KLF8: variants seen among roughly 807,000 people sequenced by gnomAD.
The protein encoded by KLF8 is KLF transcription factor 8.
A neutral mutation model predicts 18.2 loss-of-function variants in KLF8; 10 were observed. The observed-to-expected ratio is 0.55, with a 90% CI of 0.34 to 0.93. KLF8 has a LOEUF of 0.93. KLF8 is among the 40% of genes least tolerant of loss of function. The probability of loss-of-function intolerance (pLI) is 0.02; values close to 1 mark genes in which losing one functional copy is unlikely to be tolerated. For missense variants in KLF8, 264 were observed against 277.9 expected (o/e 0.95, Z 0.36); for synonymous variants, 109 against 97.3 (o/e 1.12, Z -0.71).
the KLF8 span, among the ~76,000 whole-genome samples, chrX:56,115,141 C>T: frequency 2.4e-4 from 26 of 110,406 alleles, no homozygotes; most frequent in Non-Finnish European, 2.8e-4. Context: ...TGGCCAGGCA[C>T]GCTGGCATGT....
the KLF8 span, among the ~76,000 whole-genome samples, chrX:56,026,972 G>A: frequency 2.7e-5 from 3 of 112,660 alleles, no homozygotes; most frequent in Non-Finnish European, 5.6e-5. Flanking sequence ...AATAGGTAAC[G>A]CATTGCTGCG....
At chrX:56,021,696 A>G in the KLF8 span, among the ~76,000 whole-genome samples, 2 of 110,573 alleles carry the variant, frequency 1.8e-5, no homozygotes, top group Admixed American at 9.7e-5. Context: ...CAAAGTACAG[A>G]AATATAATTT....
At chrX:56,217,833 T>C in the KLF8 span, among the ~76,000 whole-genome samples, 1 of 111,561 alleles carries the variant, frequency 9.0e-6, no homozygotes, top group Admixed American at 9.6e-5. Flanking sequence ...GGATTGGGAA[T>C]GTGGATAGAT....
the KLF8 span, among the ~76,000 whole-genome samples, chrX:56,219,986 T>A: frequency 8.9e-6 from 1 of 112,349 alleles, no homozygotes; most frequent in Non-Finnish European, 1.9e-5. Context: ...AAAATAGGAA[T>A]CTCAACGTTG....
the KLF8 span, among the ~76,000 whole-genome samples, chrX:56,142,322 C>A: frequency 9.0e-6 from 1 of 111,308 alleles, no homozygotes; most frequent in Non-Finnish European, 1.9e-5. Context: ...TTTAGTCATT[C>A]ATTTTCTTGG....
the KLF8 span, among the ~76,000 whole-genome samples, chrX:56,071,523 T>A: frequency 8.9e-6 from 1 of 112,089 alleles, no homozygotes; most frequent in South Asian, 3.7e-4. Flanking sequence ...AGAAAATTAA[T>A]TTTGTTCATT....
the KLF8 span, among the ~76,000 whole-genome samples, chrX:56,040,906 G>A: frequency 4.6e-5 from 3 of 65,566 alleles, no homozygotes; most frequent in African/African-American, 6.9e-5. Context: ...TTTTTTTTCC[G>A]GTTTGTAGGC....
At chrX:56,266,489 G>A (rs2066974484) in intron 3 of KLF8, 1 of 747,050 alleles carries the variant, frequency 1.3e-6, no homozygotes, top group African/African-American at 2.3e-5. Context: ...GAGTTGTCTT[G>A]CAACAGATAA....
At chrX:56,273,276 G>A (rs1044441348) in intron 5 of KLF8, among the ~76,000 whole-genome samples, 1 of 111,079 alleles carries the variant, frequency 9.0e-6, no homozygotes, top group East Asian at 2.8e-4. Flanking sequence ...CAGAGTAAAG[G>A]GGTATATCTG....
the KLF8 span, among the ~76,000 whole-genome samples, chrX:56,021,166 T>C: frequency 8.9e-6 from 1 of 112,340 alleles, no homozygotes; most frequent in Non-Finnish European, 1.9e-5. Flanking sequence ...ATTAGTACCA[T>C]CTGTTTTTGA....
chrX:56,143,925 T>C, the KLF8 span, among the ~76,000 whole-genome samples: 1 of 111,997 alleles, frequency 8.9e-6, no homozygotes, highest in Non-Finnish European at 1.9e-5. Context: ...AAGTGTCAAG[T>C]TCTATAGTTG....
the KLF8 span, among the ~76,000 whole-genome samples, chrX:56,126,578 A>G: frequency 1.8e-5 from 2 of 110,597 alleles, no homozygotes; most frequent in Non-Finnish European, 3.8e-5. Flanking sequence ...AAGAATCTGC[A>G]TGATTTGGGT....
the KLF8 span, among the ~76,000 whole-genome samples, chrX:56,138,348 G>A: frequency 2.7e-5 from 3 of 110,954 alleles, no homozygotes; most frequent in Non-Finnish European, 5.7e-5. Flanking sequence ...CCAAAACATG[G>A]CACAGACAGA....
chrX:56,139,439 G>T, the KLF8 span, among the ~76,000 whole-genome samples: 20 of 111,433 alleles, frequency 1.8e-4, no homozygotes, highest in African/African-American at 5.8e-4. Context: ...GCATGGTGCT[G>T]GTGCAAAAAA....
chrX:56,052,726 T>A, the KLF8 span, among the ~76,000 whole-genome samples: 1 of 112,076 alleles, frequency 8.9e-6, no homozygotes, highest in Non-Finnish European at 1.9e-5. Context: ...TTTTTGTTTG[T>A]CTGTGCCCTG....
chrX:56,020,335 G>A, the KLF8 span, among the ~76,000 whole-genome samples: 4 of 112,010 alleles, frequency 3.6e-5, no homozygotes, highest in South Asian at 3.7e-4. Flanking sequence ...CTACAGCAGC[G>A]TGGAGCATGC....
At chrX:55,998,028 G>A in the KLF8 span, among the ~76,000 whole-genome samples, 1 of 111,735 alleles carries the variant, frequency 8.9e-6, no homozygotes, top group Non-Finnish European at 1.9e-5. Flanking sequence ...AGACAAACAC[G>A]TGAACAAAGG....
the KLF8 span, among the ~76,000 whole-genome samples, chrX:56,011,178 G>T: frequency 0.086 from 9,625 of 111,912 alleles, 998 homozygotes; most frequent in African/African-American, 0.3. Flanking sequence ...ATTGTTTTTA[G>T]TGCCACATGG....
At chrX:55,937,217 A>G in the KLF8 span, among the ~76,000 whole-genome samples, 6 of 111,367 alleles carry the variant, frequency 5.4e-5, no homozygotes, top group South Asian at 7.6e-4. Flanking sequence ...GTAGTTCACC[A>G]ATATCCGCTG....
Sources: gnomAD v4.1 joint callset for allele counts (sites outside exome capture counted in the v4.1 genomes callset) on GRCh38, gnomAD v4.1.1 for gene constraint, MANE v1.5 for transcripts, NCBI Gene and HGNC (gene_info 2026-07-23, HGNC 2026-07-21) for gene names.